The following ZNF257 variants were observed in gnomAD, a reference collection of about 807,000 sequenced individuals.
The protein encoded by ZNF257 is bone marrow zinc finger 4.
In ZNF257, 12 loss-of-function variants were observed where a neutral mutation model predicts 11.9. The observed-to-expected ratio is 1.01, with a 90% CI of 0.65 to 1.63. The LOEUF is 1.63. Among genes scored for constraint, ZNF257 ranks in the 40% most tolerant of loss-of-function variants. The pLI is 0.00. For missense variants in ZNF257, 580 were observed against 665.5 expected (o/e 0.87, Z 1.41); for synonymous variants, 183 against 222.7 (o/e 0.82, Z 1.59).
intron 1 of ZNF257, among the ~76,000 whole-genome samples, 188 bp downstream of exon 1, chr19:22,052,823 C>T (rs551069459): frequency 1.3e-5 from 2 of 152,190 alleles, no homozygotes; most frequent in African/African-American, 4.8e-5. Context: ...GCCGGGACCC[C>T]GGGCGTCCTG....
chr19:22,084,321 G>A (rs769172080), intron 3 of ZNF257, among the ~76,000 whole-genome samples: 4 of 151,960 alleles, frequency 2.6e-5, no homozygotes, highest in Non-Finnish European at 5.9e-5. Context: ...GAAAGTTTAC[G>A]TGTTGCATTC....
chr19:22,086,950 C>A (rs2022489837), intron 3 of ZNF257, among the ~76,000 whole-genome samples: 1 of 151,342 alleles, frequency 6.6e-6, no homozygotes, highest in Admixed American at 6.6e-5. Flanking sequence ...ATTTTTATAT[C>A]ATTTTTCTTT....
chr19:22,076,730 C>T (rs1472950090), intron 3 of ZNF257, among the ~76,000 whole-genome samples: 1 of 152,178 alleles, frequency 6.6e-6, no homozygotes, highest in African/African-American at 2.4e-5. Flanking sequence ...GCTCTGTCAC[C>T]CAGGCTGGAG....
chr19:22,052,777 G>A, intron 1 of ZNF257, 142 bp downstream of exon 1: 1 of 948,042 alleles, frequency 1.1e-6, no homozygotes, highest in South Asian at 1.4e-5. Flanking sequence ...CTCGGCCTCG[G>A]TCCCCCTCAG....
chr19:22,069,652 T>G, intron 1 of ZNF257, among the ~76,000 whole-genome samples: 1 of 152,208 alleles, frequency 6.6e-6, no homozygotes, highest in Non-Finnish European at 1.5e-5. Flanking sequence ...TGTTGTGACT[T>G]CTGATGTCAT....
At chr19:22,084,242 A>G (rs1015394096) in intron 3 of ZNF257, among the ~76,000 whole-genome samples, 12 of 152,024 alleles carry the variant, frequency 7.9e-5, no homozygotes, top group Non-Finnish European at 1.8e-4. Flanking sequence ...GTTTTTAACT[A>G]TTGGCTTTCC....
intron 1 of ZNF257, among the ~76,000 whole-genome samples, chr19:22,058,902 T>G (rs1470089211): frequency 2.0e-5 from 3 of 151,770 alleles, no homozygotes; most frequent in African/African-American, 7.3e-5. Context: ...ATCCTAATGT[T>G]TTTTTTTGCC....
rs1244954589 is a variant in ZNF257 at position 22,091,279 on chromosome 19, T to G, written c.*1837T>G. 6.6e-6 allele frequency: 1 copy of G among 151,848 alleles called. No homozygotes were observed. Among genetic ancestry groups the G allele is most frequent in the Non-Finnish European group, 1.5e-5 (1 of 67,980 alleles). The allele number at this position is 151,848 out of a possible 1,614,324, so 9.4% of individuals were successfully genotyped here. ...TTTGAAACCAGCCTGGCCAACATGG[T>G]GAAACCCTGTCTCTACTGAAAATAC... is the stretch of plus-strand genomic sequence containing the variant. On this transcript the variant is annotated 3_prime_UTR_variant, in exon 4 of 4. Coordinates refer to ENST00000594947, the MANE Select transcript of ZNF257 (RefSeq NM_033468.4).
At chr19:22,079,074 G>A (rs112205850) in intron 3 of ZNF257, among the ~76,000 whole-genome samples, 34,777 of 152,056 alleles carry the variant, frequency 0.23, 4,709 homozygotes, top group South Asian at 0.45. Context: ...TTACAGGCGT[G>A]AGCCACCACC....
At chr19:22,064,281 A>G (rs1474869482) in intron 1 of ZNF257, 2 of 152,212 alleles carry the variant, frequency 1.3e-5, no homozygotes, top group East Asian at 1.9e-4. Flanking sequence ...TTAAGATGAT[A>G]TGTACATTTA....
At chr19:22,054,271 T>C (rs1415241327) in intron 1 of ZNF257, among the ~76,000 whole-genome samples, 2 of 151,938 alleles carry the variant, frequency 1.3e-5, no homozygotes, top group Non-Finnish European at 2.9e-5. Context: ...TGAGGTTTCA[T>C]GTGGGCTAGG....
rs1447215467 is a variant in ZNF257, at chr19:22,089,073, C to G, written c.1323C>G (p.Asn441Lys). The change falls in exon 4 of 4, where the codon AAC (asparagine) becomes AAG (lysine). Residue 441 changes from asparagine to lysine, a missense_variant. Physicochemically the swap from Asn to Lys is moderately conservative, Grantham distance 94. Coordinates refer to ENST00000594947, the MANE Select transcript of ZNF257 (RefSeq NM_033468.4). ...GTGAAGAGTGTGGCAAAGCCTTTAA[C>G]CGGTCTTCATACCTTATTCGACATA... ...YKCEECGKAFNRSSYLIRHKI... is the reference protein window; with the variant it reads ...YKCEECGKAFKRSSYLIRHKI... 4 of 1,612,762 alleles carry G rather than the reference C, an allele frequency of 2.5e-6. No individual in the cohort carries two copies. The highest frequency in any genetic ancestry group is 2.2e-5 in the South Asian group (2 of 90,970).
intron 3 of ZNF257, among the ~76,000 whole-genome samples, chr19:22,077,318 CA>C (rs1390302076): frequency 6.6e-6 from 1 of 151,490 alleles, no homozygotes; most frequent in Non-Finnish European, 1.5e-5. Flanking sequence ...GATCCTGTTT[CA>C]AAAAAATGGT....
rs2022579712 is a variant in ZNF257, at chr19:22,089,542, A to G, written c.*100A>G. 6.7e-7 allele frequency: 1 copy of G among 1,495,364 alleles called. No individual in the cohort carries two copies. Among genetic ancestry groups the G allele is most frequent in the African/African-American group, 1.4e-5 (1 of 70,776 alleles). 92.6% of individuals were successfully genotyped at this position (1,495,364 alleles called of 1,614,324 possible). A position where few individuals can be genotyped will look rare whatever the true frequency, so the allele number is the denominator to read the frequency against. On this transcript the variant is annotated 3_prime_UTR_variant, in exon 4 of 4. Coordinates refer to ENST00000594947, the MANE Select transcript of ZNF257 (RefSeq NM_033468.4). Reference sequence around the variant, plus strand: ...GAATTCATAATAGAGAAACCCTACAAATGTGAAGAACGTGGCCTGGCTTTT... The same window carrying G: ...GAATTCATAATAGAGAAACCCTACAGATGTGAAGAACGTGGCCTGGCTTTT...
intron 1 of ZNF257, among the ~76,000 whole-genome samples, chr19:22,063,332 A>G (rs2021854117): frequency 6.6e-6 from 1 of 151,992 alleles, no homozygotes; most frequent in Non-Finnish European, 1.5e-5. Context: ...GATCTTTTGT[A>G]TAGTTTTACA....
At position 22,089,275 on chromosome 19, in the gene ZNF257, C is replaced by G. The variant is rs754438097; in HGVS notation, c.1525C>G (p.His509Asp). 12 of 1,613,738 alleles carry G rather than the reference C, an allele frequency of 7.4e-6. No individual in the cohort carries two copies. The highest frequency in any genetic ancestry group is 1.0e-5 in the Non-Finnish European group (12 of 1,179,902). The change falls in exon 4 of 4, where the codon CAT becomes GAT. Residue 509 changes from histidine (H) to aspartate (D), a missense_variant. His to Asp is a moderately conservative substitution (Grantham distance 81). Coordinates refer to ENST00000594947, the MANE Select transcript of ZNF257 (RefSeq NM_033468.4). The part of the protein sequence containing the change: ...SSHLSQHKII[H>D]TGEKPYKCEE... ...ACACCTTTCTCAACATAAGATAATT[C>G]ATACTGGAGAGAAACCCTACAAATG...
In ZNF257 at chr19:22,089,124, C is replaced by G. The variant is rs1568492389; in HGVS notation, c.1374C>G (p.Pro458=). The change falls in exon 4 of 4, where the codon CCC becomes CCG. Residue 458 remains proline (P), a synonymous_variant. Coordinates refer to ENST00000594947, the MANE Select transcript of ZNF257 (RefSeq NM_033468.4). ...RHKIIHTGEK[P]YKCEECGKAF... is the part of the protein sequence containing the mutation. ...AGATAATTCATACTGGAGAGAAACC[C>G]TACAAATGTGAAGAGTGTGGCAAAG... 1 of 1,613,818 alleles carries G rather than the reference C, an allele frequency of 6.2e-7. No homozygotes were observed. The highest frequency in any genetic ancestry group is 1.1e-5 in the South Asian group (1 of 91,068).
chr19:22,087,800 G>C (rs2022509261), intron 3 of ZNF257, among the ~76,000 whole-genome samples, 177 bp from the exon 4 acceptor site: 3 of 152,132 alleles, frequency 2.0e-5, no homozygotes, highest in African/African-American at 7.2e-5. Context: ...TTCCAAAAAT[G>C]TGTTTTGGTC....
intron 3 of ZNF257, among the ~76,000 whole-genome samples, chr19:22,085,410 G>T (rs1330936388): frequency 1.1e-4 from 16 of 152,016 alleles, no homozygotes; most frequent in Admixed American, 1.0e-3. Flanking sequence ...TTTATTTTTT[G>T]ACCTAACCGG....
Sources: gnomAD v4.1 joint callset for allele counts (sites outside exome capture counted in the v4.1 genomes callset) on GRCh38, gnomAD v4.1.1 for gene constraint, MANE v1.5 for transcripts, NCBI Gene and HGNC (gene_info 2026-07-23, HGNC 2026-07-21) for gene names.